Variants in CEP170 observed in about 807,000 individuals in gnomAD.
CEP170 encodes centrosomal protein 170.
CEP170 carries 21 observed loss-of-function variants against 151.9 expected under a neutral mutation model. That is an observed-to-expected ratio of 0.14 (90% CI 0.10 to 0.20). The LOEUF (loss-of-function observed/expected upper bound fraction) is 0.20, where lower values mean the gene tolerates loss of function less well. CEP170 is among the 10% of genes least tolerant of loss of function. CEP170 has a pLI of 1.00. For synonymous variants in CEP170, 356 were observed against 648.8 expected, an observed-to-expected ratio of 0.55 and a Z score of 6.86; for missense variants, 964 against 1,892.9, an observed-to-expected ratio of 0.51 and a Z score of 9.11.
intron 1 of CEP170, among the ~76,000 whole-genome samples, chr1:243,239,263 A>G (rs1001446675): frequency 6.6e-6 from 1 of 152,172 alleles, no homozygotes; most frequent in African/African-American, 2.4e-5. Context: ...CCAACTGACC[A>G]GATATTTTCT....
intron 11 of CEP170, 139 bp downstream of exon 11, chr1:243,172,558 G>C: frequency 3.5e-6 from 2 of 575,372 alleles, no homozygotes; most frequent in Non-Finnish European, 5.7e-6. Context: ...CTTGAACTCA[G>C]ACGGCAGAGG....
intron 11 of CEP170, 105 bp from the exon 12 acceptor site, chr1:243,169,859 A>G: frequency 7.3e-7 from 1 of 1,368,404 alleles, no homozygotes; most frequent in Non-Finnish European, 9.9e-7. Context: ...CAAACCCATA[A>G]TTAAACCTCA....
At chr1:243,246,227 T>C (rs1489741724) in intron 1 of CEP170, among the ~76,000 whole-genome samples, 2 of 116,670 alleles carry the variant, frequency 1.7e-5, no homozygotes, top group East Asian at 2.1e-4. Flanking sequence ...TGTTGTTTAC[T>C]TTTTTTTTTT....
Position 243,186,502 on chromosome 1 carries a change from T to C in CEP170, c.1109-80A>G, listed in dbSNP as rs1572124025. On this transcript the variant is annotated intron_variant, in intron 8 of 19. Coordinates refer to ENST00000366542, the MANE Select transcript of CEP170 (RefSeq NM_014812.3). ...TTAGAAGCATATACAAAAGTGCTAT[T>C]TGTTTTGCTCCCCTCCTCCTTTTCA... 3 of 1,437,640 alleles carry C rather than the reference T, an allele frequency of 2.1e-6. No individual in the cohort carries two copies. In the East Asian group the frequency reaches 7.1e-5, roughly 34 times the overall value. 89.1% of individuals were successfully genotyped at this position (1,437,640 alleles called of 1,614,324 possible).
intron 19 of CEP170, 65 bp downstream of exon 19, chr1:243,128,184 T>C: frequency 7.4e-7 from 1 of 1,357,228 alleles, no homozygotes; most frequent in Non-Finnish European, 9.8e-7. Flanking sequence ...TTTTAAGAAA[T>C]ACCACTCAGA....
chr1:243,166,900 T>G (rs1261518072), intron 12 of CEP170, among the ~76,000 whole-genome samples: 1 of 152,186 alleles, frequency 6.6e-6, no homozygotes, highest in Admixed American at 6.5e-5. Flanking sequence ...ATTTAAGATC[T>G]ACTTTCAGCT....
At chr1:243,145,971 G>A (rs1011033687) in intron 14 of CEP170, among the ~76,000 whole-genome samples, 9 of 152,162 alleles carry the variant, frequency 5.9e-5, no homozygotes, top group Non-Finnish European at 1.0e-4. Flanking sequence ...TTTGTAAGAG[G>A]AAAGAGGGGA....
chr1:243,193,609 G>A (rs1365938024), intron 7 of CEP170, among the ~76,000 whole-genome samples: 4 of 151,992 alleles, frequency 2.6e-5, no homozygotes, highest in East Asian at 1.9e-4. Flanking sequence ...CTTCAAACTC[G>A]CATTCACTCA....
chr1:243,255,460 G>A (rs530056180), upstream of CEP170: 38 of 154,306 alleles, frequency 2.5e-4, 1 homozygote, highest in Middle Eastern at 0.01. Flanking sequence ...GGACCTCGGC[G>A]TTAGGTGGGA....
chr1:243,199,639 TAA>T (rs1477537775), intron 6 of CEP170, among the ~76,000 whole-genome samples: 2 of 152,134 alleles, frequency 1.3e-5, no homozygotes, highest in Non-Finnish European at 2.9e-5. Flanking sequence ...AAGACAAAGC[TAA>T]AGTAAATTTT....
At chr1:243,225,477 C>T (rs749983622) in intron 1 of CEP170, among the ~76,000 whole-genome samples, 156 bp from the exon 2 acceptor site, 2 of 152,110 alleles carry the variant, frequency 1.3e-5, no homozygotes, top group Non-Finnish European at 2.9e-5. Context: ...GACATATATA[C>T]TAAATTCTCA....
rs147193405 is a variant in CEP170 at position 243,248,486 on chromosome 1, G to T, written c.-42+6554C>A. 6.0e-3 allele frequency among the ~76,000 whole-genome samples: 920 copies of T among 152,240 alleles called. 12 individuals are homozygous for T. The highest frequency in any genetic ancestry group is 0.021 in the African/African-American group (879 of 41,526). Reference sequence around the variant, plus strand: ...GATGCTTAACATTTAACTATCCTCAGTCCAAACCTCTCCTCTGAATGCTTG... The same window carrying T: ...GATGCTTAACATTTAACTATCCTCATTCCAAACCTCTCCTCTGAATGCTTG... On this transcript the variant is annotated intron_variant, in intron 1 of 19. Transcript: ENST00000366542.
chr1:243,149,598 G>C (rs1332236880), intron 14 of CEP170, among the ~76,000 whole-genome samples: 1 of 152,166 alleles, frequency 6.6e-6, no homozygotes, highest in Non-Finnish European at 1.5e-5. Context: ...TGACTTGGCA[G>C]ATATGCCTTA....
chr1:243,218,366 C>T (rs2062495110), intron 3 of CEP170, among the ~76,000 whole-genome samples: 1 of 152,212 alleles, frequency 6.6e-6, no homozygotes, highest in Non-Finnish European at 1.5e-5. Flanking sequence ...ACCAGAGGGG[C>T]AAGGGCCCCA....
intron 1 of CEP170, among the ~76,000 whole-genome samples, chr1:243,252,919 T>C (rs528281118): frequency 1.8e-4 from 28 of 152,276 alleles, no homozygotes; most frequent in African/African-American, 6.7e-4. Context: ...AAAATGTAAA[T>C]TCTAGTTTAA....
chr1:243,222,230 CAA>C (rs1444737272), intron 2 of CEP170, among the ~76,000 whole-genome samples: 1 of 152,048 alleles, frequency 6.6e-6, no homozygotes, highest in Non-Finnish European at 1.5e-5. Context: ...ATAAACTATT[CAA>C]AGAGTCCAAA....
chr1:243,199,382 CTAAA>C (rs1398746464), intron 6 of CEP170, among the ~76,000 whole-genome samples, 188 bp from the exon 7 acceptor site: 1 of 152,064 alleles, frequency 6.6e-6, no homozygotes, highest in Non-Finnish European at 1.5e-5. Flanking sequence ...TTGGACATGA[CTAAA>C]TAAATAAGAT....
At chr1:243,232,958 G>C (rs79951768) in intron 1 of CEP170, among the ~76,000 whole-genome samples, 7,397 of 152,234 alleles carry the variant, frequency 0.049, 372 homozygotes, top group African/African-American at 0.13. Context: ...GAGTAGCTTT[G>C]GAGCTGCTAC....
intron 1 of CEP170, among the ~76,000 whole-genome samples, chr1:243,250,366 T>C (rs756273039): frequency 8.5e-5 from 13 of 152,252 alleles, no homozygotes; most frequent in Non-Finnish European, 1.8e-4. Context: ...GTTTTAACTA[T>C]AGCTACGTTC....
Sources: gnomAD v4.1 joint callset for allele counts (sites outside exome capture counted in the v4.1 genomes callset) on GRCh38, gnomAD v4.1.1 for gene constraint, MANE v1.5 for transcripts, NCBI Gene and HGNC (gene_info 2026-07-23, HGNC 2026-07-21) for gene names.